Variants in PAX3 observed in about 807,000 individuals in gnomAD.
PAX3 encodes the protein paired box 3, also known as paired box protein Pax-3.
PAX3 carries 14 observed loss-of-function variants against 51.6 expected under a neutral mutation model. That is an observed-to-expected ratio of 0.27 (90% CI 0.18 to 0.42). The LOEUF (loss-of-function observed/expected upper bound fraction) is 0.42. PAX3 is among the 10% of genes least tolerant of loss of function. The pLI, the probability that PAX3 is intolerant of heterozygous loss-of-function variation, is 1.00. For missense variants in PAX3, 540 were observed against 642.8 expected (o/e 0.84, Z 1.73); for synonymous variants, 280 against 253.4 (o/e 1.11, Z -1.00).
At chr2:222,213,785 AG>A (rs1691843889) in intron 7 of PAX3, among the ~76,000 whole-genome samples, 1 of 152,224 alleles carries the variant, frequency 6.6e-6, no homozygotes. Context: ...AGGTAGGTCA[AG>A]GGCAGAGAAT....
chr2:222,231,988 G>T (rs1443819690), intron 5 of PAX3, 90 bp downstream of exon 5: 1 of 1,144,062 alleles, frequency 8.7e-7, no homozygotes, highest in Non-Finnish European at 1.3e-6. Context: ...ATACATTTTT[G>T]GGGGGGATTG....
At chr2:222,258,513 C>T (rs575765292) in intron 4 of PAX3, among the ~76,000 whole-genome samples, 3 of 152,192 alleles carry the variant, frequency 2.0e-5, no homozygotes, top group Admixed American at 6.5e-5. Context: ...CCATCACCAC[C>T]ACCACCACCC....
chr2:222,225,126 C>A lies in PAX3; in HGVS notation c.793-3739G>T, dbSNP rs373854641. The stretch of plus-strand genomic sequence containing the variant: ...ACAAATTTGTCAGTAACCTACTATA[C>A]TATTAGACACAGTTAATTGTCTATC... On this transcript the variant is annotated intron_variant, in intron 5 of 8. Coordinates refer to ENST00000392070, the MANE Select transcript of PAX3 (RefSeq NM_181458.4). Among the ~76,000 whole-genome samples, 9 of 152,296 alleles carry A rather than the reference C, an allele frequency of 5.9e-5. No individual in the cohort carries two copies. The East Asian group carries it at 1.7e-3, about 29-fold the overall frequency.
chr2:222,256,876 A>G (rs1239732211), intron 4 of PAX3, among the ~76,000 whole-genome samples: 1 of 152,248 alleles, frequency 6.6e-6, no homozygotes, highest in African/African-American at 2.4e-5. Flanking sequence ...AAAGACAGAT[A>G]GGGCCACCTA....
At chr2:222,223,778 T>G (rs754892503) in intron 5 of PAX3, among the ~76,000 whole-genome samples, 1 of 152,202 alleles carries the variant, frequency 6.6e-6, no homozygotes, top group Non-Finnish European at 1.5e-5. Flanking sequence ...TCATGAAGAT[T>G]TACTATGCTC....
chr2:222,255,908 G>A (rs1448866956), intron 4 of PAX3, among the ~76,000 whole-genome samples: 8 of 131,932 alleles, frequency 6.1e-5, no homozygotes, highest in Admixed American at 5.6e-4. Context: ...ACGCCACTAC[G>A]CCCAGCTAAT....
Position 222,260,914 on chromosome 2 carries a change from TC to T in PAX3, c.587-28632del, listed in dbSNP as rs1693840150. On this transcript the variant is annotated intron_variant, in intron 4 of 8. Coordinates refer to ENST00000392070, the MANE Select transcript of PAX3 (RefSeq NM_181458.4). ...AACACAAGATTTTAAAATAATGCTTTCCTTAGAACCACTGAATAATCACCTA... is the reference window on the plus strand; with the variant it reads ...AACACAAGATTTTAAAATAATGCTTTCTTAGAACCACTGAATAATCACCTA... 3.9e-5 allele frequency among the ~76,000 whole-genome samples: 6 copies of T among 152,262 alleles called. No individual in the cohort carries two copies. The Middle Eastern group carries it at 0.017, about 432-fold the overall frequency.
At chr2:222,224,101 T>C (rs1435957676) in intron 5 of PAX3, among the ~76,000 whole-genome samples, 2 of 149,368 alleles carry the variant, frequency 1.3e-5, no homozygotes, top group Non-Finnish European at 3.0e-5. Context: ...GGTTTGGGGG[T>C]TTGTTTTCAT....
chr2:222,214,454 G>A (rs1323561187), intron 7 of PAX3: 1 of 152,076 alleles, frequency 6.6e-6, no homozygotes, highest in Non-Finnish European at 1.5e-5. Context: ...TAGAGTTAAA[G>A]GTTTGCTTTT....
chr2:222,201,742 C>T lies in PAX3; in HGVS notation c.1420+202G>A, dbSNP rs560996755. ...GTTTCACGTCTCAACAATTAATAAC[C>T]GCAAGATGTTGTTGACATCAGTTAA... is the stretch of plus-strand genomic sequence containing the variant. On this transcript the variant is annotated intron_variant, in intron 8 of 8. Coordinates refer to ENST00000392070, the MANE Select transcript of PAX3 (RefSeq NM_181458.4). The T allele has an allele frequency of 6.0e-4, 882 of 1,467,648 alleles. 13 individuals carry two copies. The South Asian group carries it at 0.012, about 19-fold the overall frequency. 90.9% of individuals were successfully genotyped at this position (1,467,648 alleles called of 1,614,324 possible). A position where few individuals can be genotyped will look rare whatever the true frequency, so the allele number is the denominator to read the frequency against.
intron 4 of PAX3, among the ~76,000 whole-genome samples, chr2:222,265,309 C>T (rs1163231696): frequency 6.6e-6 from 1 of 152,102 alleles, no homozygotes; most frequent in Non-Finnish European, 1.5e-5. Context: ...ACTATTATTC[C>T]CTAGGTTCTA....
At chr2:222,255,469 A>G (rs575685269) in intron 4 of PAX3, among the ~76,000 whole-genome samples, 19 of 152,324 alleles carry the variant, frequency 1.2e-4, no homozygotes, top group Middle Eastern at 3.4e-3. Context: ...TGCAACATCA[A>G]AATCACTTAA....
At chr2:222,215,692 C>T (rs939748331) in intron 7 of PAX3, among the ~76,000 whole-genome samples, 2 of 152,002 alleles carry the variant, frequency 1.3e-5, no homozygotes, top group Non-Finnish European at 2.9e-5. Flanking sequence ...ACTCCATATT[C>T]CAAGGCAGCA....
intron 5 of PAX3, among the ~76,000 whole-genome samples, chr2:222,229,829 T>C (rs1228516657): frequency 6.6e-6 from 1 of 152,204 alleles, no homozygotes; most frequent in Non-Finnish European, 1.5e-5. Context: ...CTATTACTAA[T>C]ATACTCTCCT....
chr2:222,284,085 G>A (rs941597167), intron 4 of PAX3, among the ~76,000 whole-genome samples: 6 of 152,310 alleles, frequency 3.9e-5, no homozygotes, highest in South Asian at 2.1e-4. Context: ...ACTTTGGAAG[G>A]TGTCCTTAAA....
At chr2:222,252,056 G>A (rs180790826) in intron 4 of PAX3, among the ~76,000 whole-genome samples, 301 of 152,250 alleles carry the variant, frequency 2.0e-3, no homozygotes, top group Non-Finnish European at 3.9e-3. Context: ...AGCTAAGGAT[G>A]GTTACTACAT....
At chr2:222,219,801 A>C (rs1024488878) in intron 7 of PAX3, among the ~76,000 whole-genome samples, 1 of 152,182 alleles carries the variant, frequency 6.6e-6, no homozygotes, top group Non-Finnish European at 1.5e-5. Flanking sequence ...AAACAAAAAA[A>C]CAAAACAAAA....
intron 4 of PAX3, among the ~76,000 whole-genome samples, chr2:222,240,339 C>T (rs1559278551): frequency 6.6e-6 from 1 of 152,120 alleles, no homozygotes; most frequent in Non-Finnish European, 1.5e-5. Context: ...AGCCCCAAAG[C>T]CCCCCAACAT....
intron 4 of PAX3, among the ~76,000 whole-genome samples, chr2:222,274,162 TA>T (rs542675761): frequency 1.3e-3 from 199 of 152,312 alleles, no homozygotes; most frequent in African/African-American, 4.5e-3. Context: ...TCTAAAAGGA[TA>T]TTTTTAATCT....
Sources: gnomAD v4.1 joint callset for allele counts (sites outside exome capture counted in the v4.1 genomes callset) on GRCh38, gnomAD v4.1.1 for gene constraint, MANE v1.5 for transcripts, NCBI Gene and HGNC (gene_info 2026-07-23, HGNC 2026-07-21) for gene names.